The following RREB1 variants were observed in gnomAD, a reference collection of about 807,000 sequenced individuals.
The protein encoded by RREB1 is ras responsive element binding protein 1.
Under a neutral mutation model 117.8 loss-of-function variants are expected in RREB1, and 27 were observed. The ratio of observed to expected loss-of-function variants is 0.23; its 90% CI spans 0.17 to 0.32. The LOEUF is 0.32. Ranked by LOEUF, RREB1 falls within the 10% of genes least tolerant of loss-of-function variation. The pLI, the probability that RREB1 is intolerant of heterozygous loss-of-function variation, is 1.00. For missense variants in RREB1, 2,577 were observed against 2,378.2 expected (o/e 1.08, Z -1.74); for synonymous variants, 1,298 against 1,026.7 (o/e 1.26, Z -5.05).
At chr6:7,228,204 A>AC (rs1171155441) in intron 9 of RREB1, among the ~76,000 whole-genome samples, 2 of 151,924 alleles carry the variant, frequency 1.3e-5, no homozygotes, top group Admixed American at 6.6e-5. Flanking sequence ...ATGTGTGTGC[A>AC]CCCCCCAGGA....
chr6:7,218,890 C>T (rs983359146), intron 8 of RREB1: 2 of 140,704 alleles, frequency 1.4e-5, no homozygotes, highest in Non-Finnish European at 3.1e-5. Context: ...GTCAGAAGAA[C>T]AGATATCTGT....
intron 1 of RREB1, among the ~76,000 whole-genome samples, chr6:7,165,910 G>A (rs1763905952): frequency 6.6e-6 from 1 of 152,158 alleles, no homozygotes; most frequent in Non-Finnish European, 1.5e-5. Flanking sequence ...TGTTTCTCAG[G>A]GTGGGGCTTG....
At chr6:7,168,332 T>C (rs898726026) in intron 1 of RREB1, among the ~76,000 whole-genome samples, 3 of 151,638 alleles carry the variant, frequency 2.0e-5, no homozygotes, top group Non-Finnish European at 4.4e-5. Flanking sequence ...TTCTTGCACA[T>C]GCTTTTGGAA....
chr6:7,124,858 G>A (rs921340412), intron 1 of RREB1, among the ~76,000 whole-genome samples: 1 of 152,186 alleles, frequency 6.6e-6, no homozygotes, highest in Non-Finnish European at 1.5e-5. Flanking sequence ...ACCCAGAGAA[G>A]CAGCTAGCTA....
chr6:7,172,593 C>G (rs1193062554), intron 1 of RREB1, among the ~76,000 whole-genome samples: 2 of 152,092 alleles, frequency 1.3e-5, no homozygotes, highest in Non-Finnish European at 2.9e-5. Flanking sequence ...AAGAGAAGAT[C>G]AGAGTTGGAC....
chr6:7,188,587 G>C (rs1183499320), intron 5 of RREB1, among the ~76,000 whole-genome samples: 2 of 152,116 alleles, frequency 1.3e-5, no homozygotes, highest in Non-Finnish European at 2.9e-5. Context: ...AAATATTGAT[G>C]AGTGTAGAAC....
intron 6 of RREB1, among the ~76,000 whole-genome samples, chr6:7,198,123 A>G (rs1284226469): frequency 6.6e-6 from 1 of 152,142 alleles, no homozygotes; most frequent in Non-Finnish European, 1.5e-5. Flanking sequence ...TGGTCGTATC[A>G]AGTTTCTGAG....
chr6:7,247,120 G>C lies in RREB1; in HGVS notation c.4670G>C (p.Ser1557Thr). The C allele has an allele frequency of 6.2e-7, 1 of 1,613,910 alleles. No homozygotes were observed. Among genetic ancestry groups the C allele is most frequent in the Non-Finnish European group, 8.5e-7 (1 of 1,180,018 alleles). ...AAACCAAAGACAGACTCCCCCAAAA[G>C]CGTGGCCAGCAAGGCAGACAAGAGG... ...DKKPKTDSPK[S>T]VASKADKRKK... Residue 1557 changes from serine (S) to threonine (T), a missense_variant, in exon 12 of 13, where the codon AGC becomes ACC. Transcript: ENST00000379938.
Position 7,230,956 on chromosome 6 carries a change from C to G in RREB1, c.2857C>G (p.Pro953Ala), listed in dbSNP as rs750485980. The change falls in exon 10 of 13, where the codon CCC becomes GCC. Residue 953 changes from proline to alanine, a missense_variant. Pro to Ala is a conservative substitution (Grantham distance 27). Transcript: ENST00000379938. The stretch of plus-strand genomic sequence containing the variant: ...GAAAGGGGACAAGGATTTGGCCACT[C>G]CCAGCGAAGCCAAGAAGCCTGAGGA... Reference protein sequence around the residue: ...FRKGDKDLATPSEAKKPEEEA... With the variant: ...FRKGDKDLATASEAKKPEEEA... The G allele has an allele frequency of 6.2e-7, 1 of 1,614,020 alleles. No homozygotes were observed. The highest frequency in any genetic ancestry group is 8.5e-7 in the Non-Finnish European group (1 of 1,179,924).
chr6:7,241,923 G>T (rs190054257), intron 11 of RREB1, among the ~76,000 whole-genome samples: 5 of 152,230 alleles, frequency 3.3e-5, no homozygotes, highest in African/African-American at 1.2e-4. Flanking sequence ...GGACCCCTGT[G>T]AGCCAAAGAT....
intron 1 of RREB1, among the ~76,000 whole-genome samples, chr6:7,128,399 C>G (rs188753858): frequency 2.3e-4 from 35 of 152,126 alleles, no homozygotes; most frequent in African/African-American, 7.7e-4. Flanking sequence ...TCTGAAAGTG[C>G]TGCTTTTAGT....
chr6:7,169,549 CTG>C (rs965999793), intron 1 of RREB1, among the ~76,000 whole-genome samples: 9 of 152,216 alleles, frequency 5.9e-5, no homozygotes, highest in African/African-American at 2.2e-4. Flanking sequence ...CCGAGGGCTG[CTG>C]TGTCCCCTCC....
intron 11 of RREB1, among the ~76,000 whole-genome samples, chr6:7,245,731 C>T (rs1301681052): frequency 3.9e-5 from 6 of 152,176 alleles, no homozygotes; most frequent in Non-Finnish European, 5.9e-5. Context: ...CTTCACAGTC[C>T]GCTCCCCTCA....
In RREB1 at chr6:7,161,122, T is replaced by C. The variant is rs75387241; in HGVS notation, c.-284-15533T>C. Among the ~76,000 whole-genome samples the C allele has an allele frequency of 4.7e-4, 71 of 152,262 alleles. 1 individual carries two copies. The East Asian group carries it at 0.012, about 25-fold the overall frequency. ...CTGGGATTACAGGTGTGAGGCACAG[T>C]GTCCAGCCCACATTGACCTTTATGT... On this transcript the variant is annotated intron_variant, in intron 1 of 12. Transcript: ENST00000379938.
chr6:7,150,398 A>G (rs1242847325), intron 1 of RREB1, among the ~76,000 whole-genome samples: 1 of 152,188 alleles, frequency 6.6e-6, no homozygotes, highest in Non-Finnish European at 1.5e-5. Flanking sequence ...CCTGATTCAG[A>G]TAGGGTTTTT....
At chr6:7,126,148 C>A (rs542956052) in intron 1 of RREB1, among the ~76,000 whole-genome samples, 3 of 152,134 alleles carry the variant, frequency 2.0e-5, no homozygotes, top group Non-Finnish European at 2.9e-5. Context: ...ATTACAGGTG[C>A]GCACCACCAC....
At position 7,229,278 on chromosome 6, in the gene RREB1, C is replaced by G. The variant is rs765181105; in HGVS notation, c.1179C>G (p.Leu393=). 6.2e-7 allele frequency: 1 copy of G among 1,614,052 alleles called. No individual in the cohort carries two copies. The highest frequency in any genetic ancestry group is 1.3e-5 in the African/African-American group (1 of 74,916). ...PLPDDNQAIQ[L]QTLKCQLPQD... is the part of the protein sequence containing the mutation. ...CGGATGACAACCAGGCAATTCAGCT[C>G]CAGACACTCAAGTGTCAGCTACCTC... Residue 393 remains leucine, a synonymous_variant, in exon 10 of 13, where the codon CTC becomes CTG. Coordinates refer to ENST00000379938, the MANE Select transcript of RREB1 (RefSeq NM_001003699.4). This position sits in a 1 kb window ranked among gnomAD's most constrained non-coding sequence, Gnocchi z 4.5.
chr6:7,169,339 G>A (rs1348625503), intron 1 of RREB1, among the ~76,000 whole-genome samples: 1 of 152,234 alleles, frequency 6.6e-6, no homozygotes, highest in Non-Finnish European at 1.5e-5. Context: ...CTGCCCCTGT[G>A]GTCCAGCATG....
At chr6:7,247,281 T>C in intron 12 of RREB1, 60 bp downstream of exon 12, 1 of 1,481,446 alleles carries the variant, frequency 6.8e-7, no homozygotes, top group Non-Finnish European at 9.1e-7. Context: ...GCACCTCTCC[T>C]AGGAGCTCCC....
Sources: allele counts gnomAD v4.1 joint callset (sites outside exome capture counted in the v4.1 genomes callset), GRCh38; gene constraint gnomAD v4.1.1; non-coding constraint Gnocchi (gnomAD v3.1); transcripts MANE v1.5; gene names NCBI Gene and HGNC (gene_info 2026-07-23, HGNC 2026-07-21).